The following DOCK7 variants were observed in gnomAD, a reference collection of about 807,000 sequenced individuals.
DOCK7 encodes dedicator of cytokinesis protein 7.
DOCK7 carries 138 observed loss-of-function variants against 271.0 expected under a neutral mutation model. That is an observed-to-expected ratio of 0.51 (90% CI 0.44 to 0.59). DOCK7 has a LOEUF of 0.59. Ranked by LOEUF, DOCK7 falls within the 20% of genes least tolerant of loss-of-function variation. The probability of loss-of-function intolerance (pLI) is 0.00; values close to 1 mark genes in which losing one functional copy is unlikely to be tolerated. For missense variants in DOCK7, 2,066 were observed against 2,592.4 expected (o/e 0.80, Z 4.41); for synonymous variants, 823 against 876.1 (o/e 0.94, Z 1.07).
intron 21 of DOCK7, among the ~76,000 whole-genome samples, chr1:62,553,312 T>TTTTATATATATATATATA (rs1490638615): frequency 1.9e-4 from 4 of 20,586 alleles, no homozygotes; most frequent in Non-Finnish European, 3.5e-4. Flanking sequence ...AAAAAGTATT[T>TTTTATATATATATATATA]TATATATATA....
At chr1:62,522,979 A>G (rs1317262939) in intron 31 of DOCK7, among the ~76,000 whole-genome samples, 1 of 152,166 alleles carries the variant, frequency 6.6e-6, no homozygotes, top group Non-Finnish European at 1.5e-5. Flanking sequence ...AGCACGAATA[A>G]TAAATCTACA....
chr1:62,517,317 C>T (rs1310193402), intron 31 of DOCK7, among the ~76,000 whole-genome samples: 1 of 152,156 alleles, frequency 6.6e-6, no homozygotes, highest in Non-Finnish European at 1.5e-5. Flanking sequence ...AACAAACAGG[C>T]CGGGCGCAGT....
chr1:62,599,405 A>G (rs1212856118), intron 14 of DOCK7, among the ~76,000 whole-genome samples: 3 of 152,048 alleles, frequency 2.0e-5, no homozygotes, highest in African/African-American at 7.2e-5. Context: ...TTATCAAACA[A>G]AAAATTCCCA....
chr1:62,604,567 G>C, intron 14 of DOCK7: 1 of 1,488,938 alleles, frequency 6.7e-7, no homozygotes, highest in Non-Finnish European at 9.4e-7. Context: ...AAACTTACGG[G>C]GAAATACAGT....
chr1:62,687,094 A>G (rs749241900), intron 1 of DOCK7, among the ~76,000 whole-genome samples: 57 of 152,154 alleles, frequency 3.7e-4, no homozygotes, highest in Non-Finnish European at 7.4e-4. Context: ...ATTTTTAAAG[A>G]AATGTCAGCA....
At chr1:62,559,899 A>G (rs759563700) in intron 19 of DOCK7, among the ~76,000 whole-genome samples, 11 of 152,134 alleles carry the variant, frequency 7.2e-5, no homozygotes, top group Non-Finnish European at 1.3e-4. Context: ...CTGAACACCT[A>G]CTTTCCTTCT....
At chr1:62,591,929 C>T (rs924136809) in intron 14 of DOCK7, among the ~76,000 whole-genome samples, 1 of 152,130 alleles carries the variant, frequency 6.6e-6, no homozygotes, top group African/African-American at 2.4e-5. Context: ...TATTACCAGT[C>T]CCTTAAATAG....
intron 43 of DOCK7, among the ~76,000 whole-genome samples, chr1:62,481,157 T>C (rs1459692733): frequency 2.0e-5 from 3 of 152,028 alleles, no homozygotes; most frequent in Non-Finnish European, 2.9e-5. Flanking sequence ...AAAGAGCCAG[T>C]GCAAAGATCA....
At chr1:62,464,991 T>C (rs1645634546) in intron 48 of DOCK7, among the ~76,000 whole-genome samples, 2 of 152,214 alleles carry the variant, frequency 1.3e-5, no homozygotes, top group South Asian at 4.1e-4. Flanking sequence ...TATCATAAAA[T>C]ATATACAAAA....
At chr1:62,610,585 T>G (rs1488081212) in intron 14 of DOCK7, among the ~76,000 whole-genome samples, 1 of 152,108 alleles carries the variant, frequency 6.6e-6, no homozygotes, top group East Asian at 1.9e-4. Flanking sequence ...TCATCTACAT[T>G]AGGTATTTCT....
chr1:62,653,882 C>T, intron 3 of DOCK7, 89 bp from the exon 4 acceptor site: 1 of 1,491,486 alleles, frequency 6.7e-7, no homozygotes, highest in Non-Finnish European at 9.3e-7. Flanking sequence ...GTTTGCGTAA[C>T]AGGAAATGAT....
chr1:62,500,506 A>G (rs1646750607), intron 37 of DOCK7, among the ~76,000 whole-genome samples: 1 of 152,196 alleles, frequency 6.6e-6, no homozygotes, highest in South Asian at 2.1e-4. Context: ...AGTATTTTAT[A>G]TTCAAGAAAA....
At chr1:62,534,338 G>T (rs1645271268) in intron 29 of DOCK7, among the ~76,000 whole-genome samples, 1 of 152,146 alleles carries the variant, frequency 6.6e-6, no homozygotes, top group South Asian at 2.1e-4. Flanking sequence ...CATTAGGTCG[G>T]TGCAGTGGCT....
At chr1:62,669,411 C>T (rs1659678405) in intron 1 of DOCK7, among the ~76,000 whole-genome samples, 1 of 152,138 alleles carries the variant, frequency 6.6e-6, no homozygotes, top group African/African-American at 2.4e-5. Context: ...TTTGGCTTTC[C>T]GGGTCTGACA....
intron 31 of DOCK7, among the ~76,000 whole-genome samples, chr1:62,514,414 A>C (rs932422259): frequency 6.6e-6 from 1 of 152,170 alleles, no homozygotes; most frequent in African/African-American, 2.4e-5. Flanking sequence ...AGCTATTTCT[A>C]CTTATAGCAT....
intron 29 of DOCK7, among the ~76,000 whole-genome samples, chr1:62,534,215 G>A (rs1317979846): frequency 1.3e-5 from 2 of 152,068 alleles, no homozygotes; most frequent in African/African-American, 2.4e-5. Context: ...AGCCAGGCTG[G>A]TCTCGAACTC....
intron 18 of DOCK7, among the ~76,000 whole-genome samples, chr1:62,575,778 T>C (rs910257787): frequency 2.6e-5 from 4 of 152,220 alleles, no homozygotes; most frequent in African/African-American, 4.8e-5. Context: ...ATTATCACCA[T>C]ATTCTTGATC....
intron 7 of DOCK7, among the ~76,000 whole-genome samples, chr1:62,646,139 G>C (rs1018708715): frequency 7.2e-6 from 1 of 138,766 alleles, no homozygotes; most frequent in Non-Finnish European, 1.5e-5. Flanking sequence ...ATGGGCAACA[G>C]AGTGAGACTC....
At chr1:62,517,866 G>A (rs556675252) in intron 31 of DOCK7, among the ~76,000 whole-genome samples, 1 of 152,112 alleles carries the variant, frequency 6.6e-6, no homozygotes, top group Non-Finnish European at 1.5e-5. Flanking sequence ...ATACCTTAGC[G>A]AAACTCTTCT....
Sources: gnomAD v4.1 joint callset for allele counts (sites outside exome capture counted in the v4.1 genomes callset) on GRCh38, gnomAD v4.1.1 for gene constraint, MANE v1.5 for transcripts, NCBI Gene and HGNC (gene_info 2026-07-23, HGNC 2026-07-21) for gene names.